Variants in MIPOL1 observed in about 807,000 individuals in gnomAD.
MIPOL1 encodes the protein mirror-image polydactyly 1, also known as mirror-image polydactyly gene 1 protein.
In MIPOL1, 57 loss-of-function variants were observed where a neutral mutation model predicts 60.9. The observed-to-expected ratio is 0.94, with a 90% CI of 0.76 to 1.17. MIPOL1 has a LOEUF of 1.17. MIPOL1 is among the 50% of genes most tolerant of loss of function. The pLI is 0.00. For missense variants in MIPOL1, 551 were observed against 511.6 expected, an observed-to-expected ratio of 1.08 and a Z score of -0.74; for synonymous variants, 179 against 168.8, an observed-to-expected ratio of 1.06 and a Z score of -0.47.
chr14:37,397,401 G>A (rs2093394470), intron 10 of MIPOL1, among the ~76,000 whole-genome samples: 2 of 151,488 alleles, frequency 1.3e-5, no homozygotes, highest in African/African-American at 2.4e-5. Flanking sequence ...GGGGGAATGG[G>A]TAAAATGGAC....
At chr14:37,287,499 T>C (rs2084672604) in intron 7 of MIPOL1, among the ~76,000 whole-genome samples, 1 of 152,066 alleles carries the variant, frequency 6.6e-6, no homozygotes, top group Admixed American at 6.6e-5. Context: ...TGTGATCCTC[T>C]CACCTTGGCC....
intron 10 of MIPOL1, among the ~76,000 whole-genome samples, chr14:37,396,483 G>A (rs1049310942): frequency 2.6e-5 from 4 of 152,082 alleles, no homozygotes; most frequent in African/African-American, 9.7e-5. Context: ...GAATTTCCCA[G>A]ATGTTCCTTG....
chr14:37,546,757 A>C (rs1383380086), intron 12 of MIPOL1, 148 bp from the exon 13 acceptor site: 2 of 631,606 alleles, frequency 3.2e-6, no homozygotes, highest in African/African-American at 3.7e-5. Flanking sequence ...ACTCTGTAGC[A>C]GTGTCTCTCA....
At chr14:37,213,522 A>C (rs950340236) in intron 1 of MIPOL1, among the ~76,000 whole-genome samples, 1 of 152,166 alleles carries the variant, frequency 6.6e-6, no homozygotes, top group African/African-American at 2.4e-5. Context: ...CACAGTCAGA[A>C]AAGACAAAAG....
rs138948383 is a variant in MIPOL1 at position 37,274,765 on chromosome 14, G to A, written c.493+4240G>A. Among the ~76,000 whole-genome samples, 436 of 151,290 alleles carry A rather than the reference G, an allele frequency of 2.9e-3. 4 individuals are homozygous for A. Among genetic ancestry groups the A allele is most frequent in the African/African-American group, 9.8e-3 (407 of 41,460 alleles). ...TGTTGTGATGCTTAAGTGAGATAATGTTTACGAAGTGCTTAACCCATAGAA... is the reference window on the plus strand; with the variant it reads ...TGTTGTGATGCTTAAGTGAGATAATATTTACGAAGTGCTTAACCCATAGAA... On this transcript the variant is annotated intron_variant, in intron 6 of 12. Coordinates refer to ENST00000684589, the MANE Select transcript of MIPOL1 (RefSeq NM_001388067.1).
chr14:37,444,299 A>T (rs12435038), intron 11 of MIPOL1, among the ~76,000 whole-genome samples: 6 of 151,894 alleles, frequency 4.0e-5, no homozygotes, highest in Admixed American at 6.6e-5. Context: ...TAAAGGTTGC[A>T]TACAAAATTA....
chr14:37,517,673 G>T (rs912325125), intron 12 of MIPOL1, among the ~76,000 whole-genome samples: 1 of 152,238 alleles, frequency 6.6e-6, no homozygotes, highest in Admixed American at 6.5e-5. Flanking sequence ...TGCACATAGT[G>T]TAATACAATG....
At chr14:37,462,272 C>G (rs1302005813) in intron 11 of MIPOL1, among the ~76,000 whole-genome samples, 1 of 152,190 alleles carries the variant, frequency 6.6e-6, no homozygotes, top group African/African-American at 2.4e-5. Context: ...TACATTGGCC[C>G]CTTTCAGCCA....
chr14:37,327,368 G>C (rs2089262525), intron 9 of MIPOL1, among the ~76,000 whole-genome samples: 1 of 151,956 alleles, frequency 6.6e-6, no homozygotes, highest in African/African-American at 2.4e-5. Flanking sequence ...GCCCACTGCA[G>C]CCTCAATCTC....
chr14:37,431,569 C>CTTTTTTTTTTTTTTTTTTTTT (rs869258490), intron 11 of MIPOL1, among the ~76,000 whole-genome samples: 1 of 64,832 alleles, frequency 1.5e-5, no homozygotes, highest in Non-Finnish European at 2.6e-5. Flanking sequence ...ATCTCTGTTT[C>CTTTTTTTTTTTTTTTTTTTTT]TTTTTTTTTT....
chr14:37,291,886 A>G (rs770959405), intron 7 of MIPOL1, among the ~76,000 whole-genome samples: 6 of 148,324 alleles, frequency 4.0e-5, no homozygotes, highest in Non-Finnish European at 7.5e-5. Context: ...CTTACTTCTT[A>G]ATACTATTAC....
At chr14:37,264,402 G>A (rs1307302388) in intron 3 of MIPOL1, among the ~76,000 whole-genome samples, 1 of 151,882 alleles carries the variant, frequency 6.6e-6, no homozygotes, top group African/African-American at 2.4e-5. Flanking sequence ...GAGGCAGGAG[G>A]ATTGCTTGAG....
chr14:37,432,260 T>C (rs1453809663), intron 11 of MIPOL1, among the ~76,000 whole-genome samples: 1 of 152,242 alleles, frequency 6.6e-6, no homozygotes, highest in African/African-American at 2.4e-5. Context: ...TCTCTTGCAA[T>C]ACATACCTCA....
chr14:37,444,383 A>T (rs1327167017), intron 11 of MIPOL1, among the ~76,000 whole-genome samples: 1 of 152,198 alleles, frequency 6.6e-6, no homozygotes, highest in Non-Finnish European at 1.5e-5. Flanking sequence ...TGGAAGACCC[A>T]TGTAAACGGA....
chr14:37,203,208 C>T (rs1223646802), intron 1 of MIPOL1, among the ~76,000 whole-genome samples: 1 of 152,160 alleles, frequency 6.6e-6, no homozygotes, highest in Non-Finnish European at 1.5e-5. Flanking sequence ...ATTACAAAAA[C>T]AGTTTACTAT....
Position 37,494,960 on chromosome 14 carries a change from A to C in MIPOL1, c.1032-4948A>C, listed in dbSNP as rs917637620. Among the ~76,000 whole-genome samples the C allele has an allele frequency of 2.6e-5, 4 of 152,190 alleles. No individual in the cohort carries two copies. In the East Asian group the frequency reaches 7.8e-4, roughly 30 times the overall value. ...CCAAACATGTCCATCTGAGAGAAAA[A>C]TCAAAATCAGGTATAAATTTGCCCC... On this transcript the variant is annotated intron_variant, in intron 11 of 12. Coordinates refer to ENST00000684589, the MANE Select transcript of MIPOL1 (RefSeq NM_001388067.1).
rs182903210 is a variant in MIPOL1, at chr14:37,449,259, A to G, written c.1031+26310A>G. Among the ~76,000 whole-genome samples the G allele has an allele frequency of 5.7e-4, 87 of 152,304 alleles. 1 individual carries two copies. Among genetic ancestry groups the G allele is most frequent in the Admixed American group, 2.6e-3 (40 of 15,282 alleles). ...GATATTACCATTAAAAAAAAATGGA[A>G]GAAATCTTTGGCAGAGACAGTCCAC... On this transcript the variant is annotated intron_variant, in intron 11 of 12. Coordinates refer to ENST00000684589, the MANE Select transcript of MIPOL1 (RefSeq NM_001388067.1).
At chr14:37,218,355 ATT>A (rs35605561) in intron 1 of MIPOL1, among the ~76,000 whole-genome samples, 150 of 148,430 alleles carry the variant, frequency 1.0e-3, no homozygotes, top group Middle Eastern at 6.9e-3. Context: ...TCATTTTTGT[ATT>A]TTTTTTTTTT....
At chr14:37,354,121 G>C (rs1308598096) in intron 9 of MIPOL1, among the ~76,000 whole-genome samples, 4 of 149,940 alleles carry the variant, frequency 2.7e-5, no homozygotes, top group African/African-American at 9.8e-5. Context: ...TGTTCTCGTT[G>C]GTTTCAAAGA....
Sources: gnomAD v4.1 joint callset for allele counts (sites outside exome capture counted in the v4.1 genomes callset) on GRCh38, gnomAD v4.1.1 for gene constraint, MANE v1.5 for transcripts, NCBI Gene and HGNC (gene_info 2026-07-23, HGNC 2026-07-21) for gene names.